The following FAM81A variants were observed in gnomAD, a reference collection of about 807,000 sequenced individuals.
FAM81A encodes protein FAM81A.
In FAM81A, 19 loss-of-function variants were observed where a neutral mutation model predicts 46.7. The observed-to-expected ratio is 0.41, with a 90% CI of 0.28 to 0.60. FAM81A has a LOEUF of 0.60. Ranked by LOEUF, FAM81A falls within the 20% of genes least tolerant of loss-of-function variation. The pLI, the probability that FAM81A is intolerant of heterozygous loss-of-function variation, is 0.34. For synonymous variants in FAM81A, 183 were observed against 152.9 expected (o/e 1.20, Z -1.45); for missense variants, 377 against 453.5 (o/e 0.83, Z 1.53).
chr15:59,501,922 GT>G (rs547480401), intron 4 of FAM81A, among the ~76,000 whole-genome samples: 3,132 of 151,962 alleles, frequency 0.021, 39 homozygotes, highest in Non-Finnish European at 0.03. Context: ...TCTTTTATGA[GT>G]TTTTTTTAAG....
chr15:59,498,065 G>T (rs945898469), intron 4 of FAM81A, among the ~76,000 whole-genome samples: 1 of 152,124 alleles, frequency 6.6e-6, no homozygotes, highest in Admixed American at 6.5e-5. Flanking sequence ...TCCCAGGCTG[G>T]TCTTGAATTC....
intron 3 of FAM81A, among the ~76,000 whole-genome samples, chr15:59,489,711 T>G (rs928170734): frequency 2.0e-5 from 3 of 152,068 alleles, no homozygotes. Flanking sequence ...AATAGACACA[T>G]AGACCAATGG....
Position 59,516,724 on chromosome 15 carries a change from A to C in FAM81A, c.866A>C (p.Lys289Thr), listed in dbSNP as rs570968788. The C allele has an allele frequency of 6.2e-7, 1 of 1,613,816 alleles. No homozygotes were observed. Among genetic ancestry groups the C allele is most frequent in the Non-Finnish European group, 8.5e-7 (1 of 1,179,806 alleles). The change falls in exon 8 of 9, where the codon AAG becomes ACG. Residue 289 changes from lysine to threonine, a missense_variant. Lys to Thr is a moderately conservative substitution (Grantham distance 78). Transcript: ENST00000288228. ...GACAAAATAGAAGAGGGTCAAAAGA[A>C]GACTTTTGATGGTCAGAGAACAAGG... ...RLDKIEEGQK[K>T]TFDGQRTRQE...
chr15:59,417,748 G>T (rs562939771), intron 2 of FAM81A, among the ~76,000 whole-genome samples: 144 of 151,944 alleles, frequency 9.5e-4, no homozygotes, highest in African/African-American at 1.9e-3. Context: ...AAAATAAAAA[G>T]ATTTTTTTTG....
intron 2 of FAM81A, among the ~76,000 whole-genome samples, chr15:59,423,137 G>A (rs1596464748): frequency 6.6e-6 from 1 of 151,552 alleles, no homozygotes; most frequent in Non-Finnish European, 1.5e-5. Context: ...TCGCACTGTC[G>A]CCCAGGCTGG....
At chr15:59,449,021 A>G (rs1216637205) in intron 1 of FAM81A, among the ~76,000 whole-genome samples, 2 of 152,128 alleles carry the variant, frequency 1.3e-5, no homozygotes, top group South Asian at 2.1e-4. Flanking sequence ...CTGCTCTTCT[A>G]TTGTTGGACA....
upstream of FAM81A, among the ~76,000 whole-genome samples, chr15:59,437,235 T>C (rs1401359461): frequency 6.6e-6 from 1 of 151,970 alleles, no homozygotes; most frequent in Non-Finnish European, 1.5e-5. Flanking sequence ...CATGTCGGGC[T>C]CCTTCCCCTG....
Position 59,522,668 on chromosome 15 carries a change from G to C in FAM81A, c.*1290G>C, listed in dbSNP as rs1943925611. ...GAGACACAACGTTCTGAACTGTGAGGGTGTCCCAGGAAAAAGAAAAACAGG... is the reference window on the plus strand; with the variant it reads ...GAGACACAACGTTCTGAACTGTGAGCGTGTCCCAGGAAAAAGAAAAACAGG... On this transcript the variant is annotated 3_prime_UTR_variant, in exon 9 of 9. Transcript: ENST00000288228. The C allele has an allele frequency of 6.6e-6, 1 of 152,096 alleles. No individual in the cohort carries two copies. The highest frequency in any genetic ancestry group is 2.1e-4 in the South Asian group (1 of 4,782). The allele number at this position is 152,096 out of a possible 1,614,324, so 9.4% of individuals were successfully genotyped here.
intron 4 of FAM81A, among the ~76,000 whole-genome samples, chr15:59,495,272 C>G (rs1311468944): frequency 1.3e-5 from 2 of 152,156 alleles, no homozygotes; most frequent in Non-Finnish European, 2.9e-5. Context: ...CTGAGCATTT[C>G]GAGTGAATGT....
intron 2 of FAM81A, among the ~76,000 whole-genome samples, chr15:59,428,621 CTTTTT>C (rs1206186244): frequency 1.4e-5 from 1 of 70,232 alleles, no homozygotes; most frequent in Non-Finnish European, 2.9e-5. Context: ...ATGTCTACTC[CTTTTT>C]TTTTTTTTTT....
intron 4 of FAM81A, among the ~76,000 whole-genome samples, chr15:59,506,433 G>A (rs1251212038): frequency 6.6e-6 from 1 of 152,108 alleles, no homozygotes; most frequent in Admixed American, 6.6e-5. Context: ...AAGATGGAGT[G>A]CTGTTCTAGG....
chr15:59,418,078 A>G (rs1198837628), intron 2 of FAM81A, among the ~76,000 whole-genome samples: 1 of 152,208 alleles, frequency 6.6e-6, no homozygotes, highest in Admixed American at 6.5e-5. Context: ...AGTTTCATCC[A>G]TATCCCTACA....
chr15:59,438,702 GCAGTTC>G (rs2141576494), intron 1 of FAM81A: 1 of 152,334 alleles, frequency 6.6e-6, no homozygotes, highest in South Asian at 2.1e-4. Flanking sequence ...GGGGGTCTTT[GCAGTTC>G]CAGAATGCTG....
chr15:59,409,317 G>A (rs556495208), intron 2 of FAM81A, among the ~76,000 whole-genome samples: 7 of 152,198 alleles, frequency 4.6e-5, no homozygotes, highest in East Asian at 1.9e-4. Context: ...AGAAGTTACC[G>A]CCCCAAACCA....
chr15:59,490,711 C>T (rs2081971624), intron 3 of FAM81A, among the ~76,000 whole-genome samples: 2 of 152,134 alleles, frequency 1.3e-5, no homozygotes, highest in Admixed American at 1.3e-4. Flanking sequence ...TGATGCATGC[C>T]TGTAATCCCA....
intron 2 of FAM81A, among the ~76,000 whole-genome samples, chr15:59,415,276 G>A (rs757616071): frequency 2.6e-5 from 4 of 151,888 alleles, no homozygotes; most frequent in Non-Finnish European, 4.4e-5. Context: ...GTAACACCAC[G>A]CCTGGCTAAT....
intron 1 of FAM81A, among the ~76,000 whole-genome samples, chr15:59,399,062 G>A (rs767735494): frequency 7.9e-5 from 12 of 151,582 alleles, no homozygotes; most frequent in Non-Finnish European, 1.3e-4. Flanking sequence ...CCAGCTACTC[G>A]GTAGGCTGAG....
chr15:59,405,363 G>A (rs1290906592), intron 2 of FAM81A, among the ~76,000 whole-genome samples: 2 of 152,112 alleles, frequency 1.3e-5, no homozygotes, highest in Non-Finnish European at 1.5e-5. Context: ...GAATTAGACC[G>A]GGCTCTGTGG....
chr15:59,442,490 G>C (rs530394905), intron 1 of FAM81A, among the ~76,000 whole-genome samples: 1 of 151,746 alleles, frequency 6.6e-6, no homozygotes, highest in East Asian at 1.9e-4. Flanking sequence ...GGTGGTGAGC[G>C]CCTGTAATCC....
Sources: gnomAD v4.1 joint callset for allele counts (sites outside exome capture counted in the v4.1 genomes callset) on GRCh38, gnomAD v4.1.1 for gene constraint, MANE v1.5 for transcripts, NCBI Gene and HGNC (gene_info 2026-07-23, HGNC 2026-07-21) for gene names.